Variants in HYDIN observed in about 807,000 individuals in gnomAD.
The protein encoded by HYDIN is HYDIN axonemal central pair apparatus protein.
A neutral mutation model predicts 403.9 loss-of-function variants in HYDIN; 132 were observed. The ratio of observed to expected loss-of-function variants is 0.33; its 90% CI spans 0.28 to 0.38. The LOEUF (loss-of-function observed/expected upper bound fraction) is 0.38. HYDIN is among the 10% of genes least tolerant of loss of function. HYDIN has a pLI of 1.00. For missense variants in HYDIN, 2,827 were observed against 5,009.5 expected (o/e 0.56, Z 13.15); for synonymous variants, 1,202 against 1,891.7 (o/e 0.64, Z 9.46).
rs766902138 is a variant in HYDIN, at chr16:70,920,861, G to C, written c.7515C>G (p.Arg2505=). 1.9e-6 allele frequency: 3 copies of C among 1,601,352 alleles called. No individual in the cohort carries two copies. In the East Asian group the frequency reaches 6.7e-5, roughly 36 times the overall value. The change falls in exon 46 of 86, where the codon CGC becomes CGG. Residue 2505 remains arginine (R), a synonymous_variant. Transcript: ENST00000393567. ...CTCTCTCCCGGTCCTTGCGGCCCCT[G>C]CGCCCACCCAAGGGGACCTGGCGCT... ...DDQRQVPLGG[R]RGRKDRERER... is the part of the protein sequence containing the mutation.
Position 70,806,408 on chromosome 16 carries a change from A to G in HYDIN, c.*1172T>C, listed in dbSNP as rs1009915853. On this transcript the variant is annotated 3_prime_UTR_variant, in exon 86 of 86. Transcript: ENST00000393567. ...GGCTAGGGTTGTGGGGAGGTACAGA[A>G]GAAGGAGAAGAGTCTCCCTCCATGA... Among the ~76,000 whole-genome samples, 2 of 152,154 alleles carry G rather than the reference A, an allele frequency of 1.3e-5. No individual in the cohort carries two copies. The highest frequency in any genetic ancestry group is 2.9e-5 in the Non-Finnish European group (2 of 68,036).
At chr16:71,216,428 T>C (rs2088884538) in intron 1 of HYDIN, among the ~76,000 whole-genome samples, 1 of 152,082 alleles carries the variant, frequency 6.6e-6, no homozygotes, top group Non-Finnish European at 1.5e-5. Flanking sequence ...TTTCTAGGAA[T>C]GTATACAAAA....
intron 13 of HYDIN, among the ~76,000 whole-genome samples, chr16:71,073,506 G>C (rs1300645559): frequency 6.6e-6 from 1 of 152,182 alleles, no homozygotes; most frequent in African/African-American, 2.4e-5. Flanking sequence ...CAGTGCCATA[G>C]AAGAGACACC....
intron 18 of HYDIN, among the ~76,000 whole-genome samples, chr16:71,038,378 GA>G (rs1322423040): frequency 2.1e-4 from 32 of 152,126 alleles, no homozygotes; most frequent in Non-Finnish European, 2.9e-4. Context: ...ACAAAAGGCA[GA>G]AGTGAACACC....
chr16:70,854,203 TA>T (rs2038865980), intron 73 of HYDIN, among the ~76,000 whole-genome samples: 1 of 152,132 alleles, frequency 6.6e-6, no homozygotes, highest in South Asian at 2.1e-4. Context: ...TTCTTACAAC[TA>T]CATGTGAATT....
chr16:71,096,736 AT>A (rs1754385358), intron 10 of HYDIN, among the ~76,000 whole-genome samples: 1 of 115,402 alleles, frequency 8.7e-6, no homozygotes, highest in South Asian at 2.9e-4. Flanking sequence ...TGATAATTCT[AT>A]GATCTGGTTC....
chr16:71,089,571 C>G (rs915247230), intron 11 of HYDIN, among the ~76,000 whole-genome samples: 2 of 152,202 alleles, frequency 1.3e-5, no homozygotes, highest in African/African-American at 4.8e-5. Context: ...CAGAAGAAGT[C>G]AGATGCAGAC....
intron 1 of HYDIN, among the ~76,000 whole-genome samples, chr16:71,215,146 A>G (rs533567217): frequency 3.9e-4 from 59 of 152,250 alleles, no homozygotes; most frequent in Non-Finnish European, 6.5e-4. Context: ...CAAAGACAGG[A>G]TAAAACTAAT....
At chr16:71,210,380 C>T (rs554225206) in intron 1 of HYDIN, among the ~76,000 whole-genome samples, 42 of 152,242 alleles carry the variant, frequency 2.8e-4, no homozygotes, top group African/African-American at 1.0e-3. Context: ...GAACGTTAGA[C>T]CATTATGCTC....
rs2034922842 is a variant in HYDIN, at chr16:70,802,461, T to C, written c.*5119A>G. On this transcript the variant is annotated 3_prime_UTR_variant, in exon 86 of 86. Transcript: ENST00000393567. ...AGTACTTAAAAGAGATTAGAAGAAATTTGAACTGGAAGAGAGACTCTCCTG... is the reference window on the plus strand; with the variant it reads ...AGTACTTAAAAGAGATTAGAAGAAACTTGAACTGGAAGAGAGACTCTCCTG... 1 of 152,098 alleles carries C rather than the reference T, an allele frequency of 6.6e-6. No homozygotes were observed. Among genetic ancestry groups the C allele is most frequent in the Admixed American group, 6.5e-5 (1 of 15,280 alleles). The allele number at this position is 152,098 out of a possible 1,614,324, so 9.4% of individuals were successfully genotyped here.
At chr16:71,209,636 C>T (rs1567455777) in intron 1 of HYDIN, among the ~76,000 whole-genome samples, 1 of 152,182 alleles carries the variant, frequency 6.6e-6, no homozygotes, top group South Asian at 2.1e-4. Context: ...TCTAGAAAAC[C>T]CCACGGTCTC....
intron 12 of HYDIN, among the ~76,000 whole-genome samples, chr16:71,082,367 T>C (rs1048050872): frequency 2.0e-5 from 3 of 152,064 alleles, no homozygotes; most frequent in Non-Finnish European, 4.4e-5. Flanking sequence ...TGCAACACTA[T>C]TGGACAAATG....
At chr16:71,133,026 C>G in intron 8 of HYDIN, 1 of 299,566 alleles carries the variant, frequency 3.3e-6, no homozygotes, top group Non-Finnish European at 6.6e-6. Context: ...ATGGGCTTAA[C>G]CCATTTTACA....
At chr16:70,994,533 T>C (rs980983084) in intron 23 of HYDIN, among the ~76,000 whole-genome samples, 1 of 151,322 alleles carries the variant, frequency 6.6e-6, no homozygotes, top group Non-Finnish European at 1.5e-5. Flanking sequence ...AACCACTCCA[T>C]TAGGGGCAGA....
chr16:70,930,995 T>C (rs2077303815), intron 45 of HYDIN, among the ~76,000 whole-genome samples: 1 of 152,002 alleles, frequency 6.6e-6, no homozygotes, highest in Non-Finnish European at 1.5e-5. Flanking sequence ...ACAAGAACTA[T>C]ATGCAGCTAT....
intron 3 of HYDIN, among the ~76,000 whole-genome samples, chr16:71,183,857 T>C (rs1027962768): frequency 6.6e-6 from 1 of 152,166 alleles, no homozygotes; most frequent in Non-Finnish European, 1.5e-5. Context: ...GTAAAGTATC[T>C]GATTTCCTCA....
chr16:71,149,441 A>T (rs2085447706), intron 7 of HYDIN, among the ~76,000 whole-genome samples: 1 of 151,466 alleles, frequency 6.6e-6, no homozygotes, highest in Admixed American at 6.6e-5. Context: ...TACCCAAGAG[A>T]AATAAAAACA....
At chr16:71,015,652 C>T (rs1033990858) in intron 23 of HYDIN, among the ~76,000 whole-genome samples, 8 of 151,682 alleles carry the variant, frequency 5.3e-5, no homozygotes, top group Non-Finnish European at 1.0e-4. Flanking sequence ...TTCGCTAGGT[C>T]ATCGTTAGAT....
At chr16:70,968,983 G>A (rs1421824425) in intron 36 of HYDIN, among the ~76,000 whole-genome samples, 4 of 151,814 alleles carry the variant, frequency 2.6e-5, no homozygotes, top group African/African-American at 4.8e-5. Flanking sequence ...ATTTTAGAAC[G>A]TAAAAATATA....
Sources: allele counts gnomAD v4.1 joint callset (sites outside exome capture counted in the v4.1 genomes callset), GRCh38; gene constraint gnomAD v4.1.1; transcripts MANE v1.5; gene names NCBI Gene and HGNC (gene_info 2026-07-23, HGNC 2026-07-21).